Variants in L3MBTL4 observed in about 807,000 individuals in gnomAD.
L3MBTL4 encodes the protein L3MBTL histone methyl-lysine binding protein 4, also known as lethal(3)malignant brain tumor-like protein 4.
A neutral mutation model predicts 84.5 loss-of-function variants in L3MBTL4; 70 were observed. That is an observed-to-expected ratio of 0.83 (90% CI 0.68 to 1.01). The LOEUF (loss-of-function observed/expected upper bound fraction) is 1.01, where lower values mean the gene tolerates loss of function less well. Ranked by LOEUF, L3MBTL4 falls within the 50% of genes least tolerant of loss-of-function variation. The pLI is 0.00. For missense variants in L3MBTL4, 715 were observed against 754.8 expected, an observed-to-expected ratio of 0.95 and a Z score of 0.62; for synonymous variants, 274 against 259.8, an observed-to-expected ratio of 1.05 and a Z score of -0.52.
At chr18:6,130,588 A>G (rs1216685332) in intron 14 of L3MBTL4, among the ~76,000 whole-genome samples, 1 of 152,198 alleles carries the variant, frequency 6.6e-6, no homozygotes, top group African/African-American at 2.4e-5. Flanking sequence ...CTGGCTCTCA[A>G]TGTAAATAAT....
chr18:6,149,885 C>T (rs879569774), intron 13 of L3MBTL4, among the ~76,000 whole-genome samples: 136 of 152,154 alleles, frequency 8.9e-4, no homozygotes, highest in Non-Finnish European at 1.6e-3. Context: ...CACTCATTCT[C>T]TCTCTCTCCC....
chr18:6,206,616 G>A (rs2145720960), intron 12 of L3MBTL4, among the ~76,000 whole-genome samples: 1 of 152,266 alleles, frequency 6.6e-6, no homozygotes, highest in East Asian at 1.9e-4. Flanking sequence ...ATAAAAATGT[G>A]AAAGGTAAGT....
chr18:6,146,548 G>A (rs550542383), intron 13 of L3MBTL4, among the ~76,000 whole-genome samples: 2 of 152,334 alleles, frequency 1.3e-5, no homozygotes, highest in East Asian at 3.9e-4. Flanking sequence ...CCAGGCCTGC[G>A]GCAAGAATGC....
intron 14 of L3MBTL4, among the ~76,000 whole-genome samples, chr18:6,113,416 T>C (rs1406484297): frequency 2.7e-5 from 3 of 113,092 alleles, no homozygotes. Flanking sequence ...ACAAACCTGA[T>C]AAAGCTCTGT....
At chr18:6,317,093 G>C (rs7228351) in intron 1 of L3MBTL4, among the ~76,000 whole-genome samples, 3 of 152,120 alleles carry the variant, frequency 2.0e-5, no homozygotes, top group African/African-American at 7.3e-5. Context: ...CATAGGAGAT[G>C]CTGAACTTGT....
intron 15 of L3MBTL4, among the ~76,000 whole-genome samples, chr18:6,092,262 A>T (rs2058484251): frequency 6.6e-6 from 1 of 152,242 alleles, no homozygotes; most frequent in South Asian, 2.1e-4. Flanking sequence ...GAATAAAAAT[A>T]AAAATCCACA....
chr18:6,028,488 C>G (rs1459900009), intron 16 of L3MBTL4, among the ~76,000 whole-genome samples: 3 of 152,172 alleles, frequency 2.0e-5, no homozygotes, highest in African/African-American at 7.2e-5. Context: ...CAGCTTAGTT[C>G]TTTCTGCTTA....
At chr18:6,385,255 G>A (rs2144421074) in intron 1 of L3MBTL4, among the ~76,000 whole-genome samples, 1 of 152,070 alleles carries the variant, frequency 6.6e-6, no homozygotes, top group African/African-American at 2.4e-5. Context: ...TATAGTATTT[G>A]GCTGAGCATA....
chr18:6,155,379 A>T (rs1479615446), intron 13 of L3MBTL4, among the ~76,000 whole-genome samples: 1 of 152,192 alleles, frequency 6.6e-6, no homozygotes, highest in East Asian at 1.9e-4. Context: ...TAGTAGGGCG[A>T]GGCTACTGGC....
intron 14 of L3MBTL4, among the ~76,000 whole-genome samples, chr18:6,121,797 G>A (rs192390818): frequency 1.0e-3 from 152 of 151,776 alleles, no homozygotes; most frequent in African/African-American, 2.2e-3. Context: ...GGATCATTTC[G>A]TCTTGGCCTT....
Position 6,147,376 on chromosome 18 carries a change from A to G in L3MBTL4, c.1097-9080T>C, listed in dbSNP as rs115369805. Among the ~76,000 whole-genome samples the G allele has an allele frequency of 3.9e-3, 601 of 152,272 alleles. 5 individuals are homozygous for G. The highest frequency in any genetic ancestry group is 0.014 in the African/African-American group (582 of 41,554). Reference sequence around the variant, plus strand: ...TGCTATAATAATTAGTGTCTCAAATAGAAGAAGAAAATAATATAACCAAAC... The same window carrying G: ...TGCTATAATAATTAGTGTCTCAAATGGAAGAAGAAAATAATATAACCAAAC... On this transcript the variant is annotated intron_variant, in intron 13 of 18. Transcript: ENST00000317931.
intron 14 of L3MBTL4, among the ~76,000 whole-genome samples, chr18:6,095,640 G>A (rs962872767): frequency 3.5e-4 from 54 of 152,120 alleles, no homozygotes; most frequent in South Asian, 2.1e-4. Flanking sequence ...GTGAGCCACC[G>A]CACCCGGCCG....
chr18:6,375,262 C>G (rs557996868), intron 1 of L3MBTL4, among the ~76,000 whole-genome samples: 1 of 152,138 alleles, frequency 6.6e-6, no homozygotes, highest in Non-Finnish European at 1.5e-5. Flanking sequence ...CTCTCTCCCC[C>G]ATTTATGGCC....
chr18:6,214,911 C>A (rs1049237469), intron 11 of L3MBTL4, among the ~76,000 whole-genome samples: 1 of 152,144 alleles, frequency 6.6e-6, no homozygotes, highest in African/African-American at 2.4e-5. Flanking sequence ...CTTGCTGAAC[C>A]TTTGCTCTTT....
chr18:6,387,571 T>A (rs2054875902), intron 1 of L3MBTL4, among the ~76,000 whole-genome samples: 1 of 152,246 alleles, frequency 6.6e-6, no homozygotes. Context: ...TAAATACATC[T>A]CTGGGCCCTT....
intron 16 of L3MBTL4, among the ~76,000 whole-genome samples, chr18:5,981,043 C>T (rs1413700448): frequency 6.6e-6 from 1 of 152,122 alleles, no homozygotes; most frequent in Non-Finnish European, 1.5e-5. Context: ...CTGAGGAGGC[C>T]CTCCTGCCTG....
chr18:6,388,686 A>C (rs1249458496), intron 1 of L3MBTL4, among the ~76,000 whole-genome samples: 2 of 152,236 alleles, frequency 1.3e-5, no homozygotes, highest in East Asian at 3.8e-4. Context: ...TTATTTGTGT[A>C]ATTAACAAAA....
rs546365254 is a variant in L3MBTL4, at chr18:6,005,703, G to A, written c.1445-36141C>T. 8.5e-5 allele frequency among the ~76,000 whole-genome samples: 13 copies of A among 152,298 alleles called. 1 individual carries two copies. In the South Asian group the frequency reaches 2.7e-3, roughly 32 times the overall value. ...TTACGGCCATGTAGTATTCCATGGT[G>A]TATATGTACCACATCGTCTTTATCC... On this transcript the variant is annotated intron_variant, in intron 16 of 18. Coordinates refer to ENST00000317931, the MANE Select transcript of L3MBTL4 (RefSeq NM_001330559.2).
chr18:6,373,140 T>C (rs1042649088), intron 1 of L3MBTL4, among the ~76,000 whole-genome samples: 6 of 152,154 alleles, frequency 3.9e-5, no homozygotes, highest in Non-Finnish European at 7.4e-5. Flanking sequence ...CTCTAAGAAA[T>C]ATAATGAGGC....
Sources: gnomAD v4.1 joint callset for allele counts (sites outside exome capture counted in the v4.1 genomes callset) on GRCh38, gnomAD v4.1.1 for gene constraint, MANE v1.5 for transcripts, NCBI Gene and HGNC (gene_info 2026-07-23, HGNC 2026-07-21) for gene names.